COL4A2: variants seen among roughly 807,000 people sequenced by gnomAD.
COL4A2 encodes the protein collagen alpha-2(IV) chain.
Under a neutral mutation model 200.2 loss-of-function variants are expected in COL4A2, and 99 were observed. The observed-to-expected ratio is 0.49, with a 90% CI of 0.42 to 0.58. COL4A2 has a LOEUF of 0.58. Ranked by LOEUF, COL4A2 falls within the 20% of genes least tolerant of loss-of-function variation. COL4A2 has a pLI of 0.00. For synonymous variants in COL4A2, 897 were observed against 900.6 expected, an observed-to-expected ratio of 1.00 and a Z score of 0.07; for missense variants, 1,950 against 2,314.1, an observed-to-expected ratio of 0.84 and a Z score of 3.23.
At chr13:110,378,990 G>A (rs781321322) in intron 4 of COL4A2, among the ~76,000 whole-genome samples, 6 of 152,168 alleles carry the variant, frequency 3.9e-5, no homozygotes, top group African/African-American at 7.2e-5. Flanking sequence ...ATGGAGCCGG[G>A]GGCATTTGGG....
At chr13:110,324,937 C>T (rs1885367959) in intron 3 of COL4A2, among the ~76,000 whole-genome samples, 1 of 152,184 alleles carries the variant, frequency 6.6e-6, no homozygotes. Context: ...AGGAATTTCT[C>T]ATTTACAAAG....
chr13:110,508,124 C>T lies in COL4A2; in HGVS notation c.4784C>T (p.Ala1595Val). 1 of 1,614,256 alleles carries T rather than the reference C, an allele frequency of 6.2e-7. No individual in the cohort carries two copies. Among genetic ancestry groups the T allele is most frequent in the Non-Finnish European group, 8.5e-7 (1 of 1,180,038 alleles). Residue 1595 changes from alanine (A) to valine (V), a missense_variant, in exon 47 of 48, where the codon GCC (alanine) becomes GTC (valine). This residue lies in a region of COL4A2 where 1,385 missense variants were observed against 1,720.5 expected (regional missense o/e 0.80). Coordinates refer to ENST00000360467, the MANE Select transcript of COL4A2 (RefSeq NM_001846.4). This position sits in a 1 kb window ranked among gnomAD's most constrained non-coding sequence, Gnocchi z 6.1. The stretch of plus-strand genomic sequence containing the variant: ...ATCAGCCGCTGTTCTGTGTGTGAGG[C>T]CCCGGCCATCGCCATCGCGGTCCAC... ...PYISRCSVCE[A>V]PAIAIAVHSQ...
intron 34 of COL4A2, among the ~76,000 whole-genome samples, 164 bp from the exon 35 acceptor site, chr13:110,489,281 C>T (rs377147416): frequency 6.6e-6 from 1 of 152,216 alleles, no homozygotes; most frequent in East Asian, 1.9e-4. Context: ...CTAAGCAAAC[C>T]GCCTATGATA....
intron 6 of COL4A2, among the ~76,000 whole-genome samples, chr13:110,426,894 A>G (rs1334873099): frequency 2.0e-5 from 3 of 151,182 alleles, no homozygotes; most frequent in Non-Finnish European, 4.4e-5. Flanking sequence ...TCTTTATTTG[A>G]AAGGCCACTA....
chr13:110,404,206 T>G (rs767028304), intron 4 of COL4A2, among the ~76,000 whole-genome samples: 8 of 152,176 alleles, frequency 5.3e-5, no homozygotes, highest in Non-Finnish European at 1.0e-4. Context: ...AATATAAGTA[T>G]GATGTATTTA....
chr13:110,356,966 A>G (rs939487070), intron 3 of COL4A2, among the ~76,000 whole-genome samples: 1 of 152,066 alleles, frequency 6.6e-6, no homozygotes, highest in Admixed American at 6.6e-5. Context: ...GGGTTTCACC[A>G]TGTTGGCCAG....
chr13:110,422,197 A>T (rs956236367), intron 4 of COL4A2, among the ~76,000 whole-genome samples: 1 of 152,232 alleles, frequency 6.6e-6, no homozygotes, highest in African/African-American at 2.4e-5. Flanking sequence ...GCTTCGTGGC[A>T]TGGTATGTAA....
chr13:110,471,050 G>A (rs1001264374), intron 28 of COL4A2, among the ~76,000 whole-genome samples: 1 of 152,166 alleles, frequency 6.6e-6, no homozygotes, highest in Non-Finnish European at 1.5e-5. Context: ...TGCCCTGCTG[G>A]AAGTGTCTAA....
intron 13 of COL4A2, among the ~76,000 whole-genome samples, chr13:110,437,401 G>A (rs977805932): frequency 6.6e-6 from 1 of 152,212 alleles, no homozygotes; most frequent in African/African-American, 2.4e-5. Context: ...GGCTGGGAAT[G>A]GCCAACCCGC....
chr13:110,343,888 C>T (rs1876580887), intron 3 of COL4A2, among the ~76,000 whole-genome samples: 1 of 152,196 alleles, frequency 6.6e-6, no homozygotes, highest in Non-Finnish European at 1.5e-5. Context: ...GAATAAATAG[C>T]TTCAAGAGAT....
Position 110,445,722 on chromosome 13 carries a change from CT to C in COL4A2, c.958-104del, listed in dbSNP as rs1178836673. 6 of 1,409,716 alleles carry C rather than the reference CT, an allele frequency of 4.3e-6. No homozygotes were observed. The African/African-American group carries it at 7.0e-5, about 17-fold the overall frequency. 87.3% of individuals were successfully genotyped at this position (1,409,716 alleles called of 1,614,324 possible). ...GAGCACAGACTGGGTTAATACATGACTTTAATAAACTGTTGTTCATTTTGTG... is the reference window on the plus strand; with the variant it reads ...GAGCACAGACTGGGTTAATACATGACTTAATAAACTGTTGTTCATTTTGTG... On this transcript the variant is annotated intron_variant, in intron 16 of 47. Coordinates refer to ENST00000360467, the MANE Select transcript of COL4A2 (RefSeq NM_001846.4).
chr13:110,322,643 C>T lies in COL4A2; in HGVS notation c.99+14520C>T, dbSNP rs11840487. Among the ~76,000 whole-genome samples the T allele has an allele frequency of 5.3e-5, 8 of 152,314 alleles. No individual in the cohort carries two copies. The East Asian group carries it at 1.5e-3, about 29-fold the overall frequency. ...TCACCAAACTGACGGTCACCAGCCTCCCCTCTTCCTGTGGTACTGGGGTCA... is the reference window on the plus strand; with the variant it reads ...TCACCAAACTGACGGTCACCAGCCTTCCCTCTTCCTGTGGTACTGGGGTCA... On this transcript the variant is annotated intron_variant, in intron 3 of 47. Coordinates refer to ENST00000360467, the MANE Select transcript of COL4A2 (RefSeq NM_001846.4).
At chr13:110,348,053 C>G (rs1219835244) in intron 3 of COL4A2, among the ~76,000 whole-genome samples, 1 of 152,206 alleles carries the variant, frequency 6.6e-6, no homozygotes, top group Non-Finnish European at 1.5e-5. Flanking sequence ...GTGTCTAGCC[C>G]AACTCGTTGA....
Position 110,469,281 on chromosome 13 carries a change from C to A in COL4A2, c.2160C>A (p.Gly720=). ...AGADGGPGPR[G]LPGDAGREGF... ...CTGATGGAGGACCAGGGCCCAGGGG[C>A]TTGCCAGGAGACGCAGGTCGTGAAG... The change falls in exon 28 of 48, where the codon GGC becomes GGA. Residue 720 remains glycine, a synonymous_variant. Transcript: ENST00000360467. The A allele has an allele frequency of 6.2e-7, 1 of 1,602,772 alleles. No homozygotes were observed.
chr13:110,336,616 G>A (rs1481030139), intron 3 of COL4A2, among the ~76,000 whole-genome samples: 2 of 152,146 alleles, frequency 1.3e-5, no homozygotes, highest in Non-Finnish European at 2.9e-5. Context: ...GGGGAAAGGG[G>A]GTCCCTTTTT....
chr13:110,465,669 A>G (rs748260365), intron 25 of COL4A2, 63 bp downstream of exon 25: 6 of 1,400,964 alleles, frequency 4.3e-6, no homozygotes, highest in Non-Finnish European at 5.8e-6. Flanking sequence ...TTCCTTTGTC[A>G]GTGTAGACGT....
chr13:110,354,218 C>T (rs1042148319), intron 3 of COL4A2, among the ~76,000 whole-genome samples: 1 of 152,168 alleles, frequency 6.6e-6, no homozygotes, highest in African/African-American at 2.4e-5. Flanking sequence ...CCTGCCCTTC[C>T]CAGACAACTG....
rs574292103 is a variant in COL4A2 at position 110,484,642 on chromosome 13, G to A, written c.2903-263G>A. Among the ~76,000 whole-genome samples the A allele has an allele frequency of 4.6e-5, 7 of 152,240 alleles. No individual in the cohort carries two copies. The South Asian group carries it at 1.2e-3, about 27-fold the overall frequency. On this transcript the variant is annotated intron_variant, in intron 32 of 47. Transcript: ENST00000360467. ...CACACTGGCTTTGACCGCTCCCTCTGCATCTGCTGGCAGGCACGTCCCCCT... is the reference window on the plus strand; with the variant it reads ...CACACTGGCTTTGACCGCTCCCTCTACATCTGCTGGCAGGCACGTCCCCCT...
At chr13:110,415,810 C>G (rs968840380) in intron 4 of COL4A2, among the ~76,000 whole-genome samples, 1 of 152,200 alleles carries the variant, frequency 6.6e-6, no homozygotes, top group African/African-American at 2.4e-5. Context: ...CTGCTTCCAC[C>G]TGGGGCAGAC....
Sources: gnomAD v4.1 joint callset for allele counts (sites outside exome capture counted in the v4.1 genomes callset) on GRCh38, gnomAD v4.1.1 for gene constraint, gnomAD v4.1.1 regional missense constraint, Gnocchi (gnomAD v3.1) non-coding constraint, MANE v1.5 for transcripts, NCBI Gene and HGNC (gene_info 2026-07-23, HGNC 2026-07-21) for gene names.